PRKCE: variants seen among roughly 807,000 people sequenced by gnomAD.
The protein encoded by PRKCE is protein kinase C epsilon, also known as protein kinase C epsilon type.
A neutral mutation model predicts 85.4 loss-of-function variants in PRKCE; 16 were observed. That is an observed-to-expected ratio of 0.19 (90% CI 0.13 to 0.28). PRKCE has a LOEUF of 0.28. Among genes scored for constraint, PRKCE ranks in the 10% least tolerant of loss-of-function variants. The pLI is 1.00. For missense variants in PRKCE, 573 were observed against 975.2 expected, an observed-to-expected ratio of 0.59 and a Z score of 5.49; for synonymous variants, 388 against 371.5, an observed-to-expected ratio of 1.04 and a Z score of -0.51.
At chr2:46,147,143 G>C (rs779175773) in intron 12 of PRKCE, among the ~76,000 whole-genome samples, 12 of 152,186 alleles carry the variant, frequency 7.9e-5, no homozygotes, top group Non-Finnish European at 1.6e-4. Context: ...TCTTCTAAGA[G>C]ATCTAAAGAG....
Position 46,004,238 on chromosome 2 carries a change from G to T in PRKCE, c.967-304G>T. 3 of 368,180 alleles carry T rather than the reference G, an allele frequency of 8.1e-6. No individual in the cohort carries two copies. Among genetic ancestry groups the T allele is most frequent in the South Asian group, 6.9e-5 (3 of 43,426 alleles). 22.8% of individuals were successfully genotyped at this position (368,180 alleles called of 1,614,324 possible). A position where few individuals can be genotyped will look rare whatever the true frequency, so the allele number is the denominator to read the frequency against. On this transcript the variant is annotated intron_variant, in intron 7 of 14. Transcript: ENST00000306156. The surrounding 1 kb of genome is among the most constrained non-coding windows in gnomAD (Gnocchi z 4.1). ...GAACTACTTCATCCTTTTGGATGGG[G>T]TTGGATCAAACATTGTACCTCTGTC...
intron 10 of PRKCE, among the ~76,000 whole-genome samples, chr2:46,031,591 CGTGTGTGTGTGTGTGTGTGTGTGT>C (rs58684318): frequency 6.9e-6 from 1 of 144,028 alleles, no homozygotes; most frequent in Non-Finnish European, 1.5e-5. Context: ...ACATTCTGCT[CGTGTGTGTGTGTGTGTGTGTGTGT>C]GTGTGTGTGT....
chr2:46,006,471 G>C (rs953155333), intron 8 of PRKCE, among the ~76,000 whole-genome samples: 6 of 146,352 alleles, frequency 4.1e-5, no homozygotes, highest in African/African-American at 9.7e-5. Context: ...GATTCCTTGA[G>C]TAAGCCCTTA....
At position 46,145,250 on chromosome 2, in the gene PRKCE, G is replaced by T; in HGVS notation, c.1731+19G>T. 1.3e-6 allele frequency: 2 copies of T among 1,599,316 alleles called. No homozygotes were observed. The highest frequency in any genetic ancestry group is 1.7e-6 in the Non-Finnish European group (2 of 1,179,694). On this transcript the variant is annotated intron_variant, in intron 12 of 14. Transcript: ENST00000306156. The surrounding 1 kb of genome is among the most constrained non-coding windows in gnomAD (Gnocchi z 4.6). ...TCCTGAGGTAAGACCTGTGTGCAAA[G>T]GTTCACCTCCTCCTGGTGCCAGGAC...
chr2:45,940,763 G>T (rs1260347533), intron 2 of PRKCE, among the ~76,000 whole-genome samples: 2 of 152,082 alleles, frequency 1.3e-5, no homozygotes, highest in Non-Finnish European at 2.9e-5. Flanking sequence ...GAATTAAAAA[G>T]TTGATAGGCA....
chr2:46,103,386 A>C (rs1230787022), intron 11 of PRKCE, among the ~76,000 whole-genome samples: 1 of 152,220 alleles, frequency 6.6e-6, no homozygotes, highest in East Asian at 1.9e-4. Flanking sequence ...TAGAAACCAA[A>C]ATCTAGGTGC....
intron 1 of PRKCE, among the ~76,000 whole-genome samples, chr2:45,703,105 CCT>C (rs1678807408): frequency 1.5e-5 from 2 of 136,984 alleles, no homozygotes; most frequent in East Asian, 2.1e-4. Context: ...AACACATGGT[CCT>C]CAGCTTCTGT....
At chr2:45,687,486 G>A (rs625101) in intron 1 of PRKCE, among the ~76,000 whole-genome samples, 42,412 of 152,084 alleles carry the variant, frequency 0.28, 6,246 homozygotes, top group Middle Eastern at 0.36. Context: ...AATTGGAACA[G>A]CTTCTACAGT....
chr2:45,940,592 C>T (rs1310994542), intron 2 of PRKCE, among the ~76,000 whole-genome samples: 1 of 152,106 alleles, frequency 6.6e-6, no homozygotes, highest in Non-Finnish European at 1.5e-5. Context: ...GTATCCAGGG[C>T]CAGGTACATT....
At chr2:45,673,636 G>T (rs755220454) in intron 1 of PRKCE, among the ~76,000 whole-genome samples, 35 of 152,172 alleles carry the variant, frequency 2.3e-4, no homozygotes, top group Non-Finnish European at 4.1e-4. Flanking sequence ...TTATCATAAA[G>T]ACTAAAACTT....
chr2:46,105,583 G>A (rs1671643691), intron 11 of PRKCE, among the ~76,000 whole-genome samples: 1 of 151,420 alleles, frequency 6.6e-6, no homozygotes, highest in Non-Finnish European at 1.5e-5. Flanking sequence ...CATGACTTTT[G>A]GGAACACTTC....
At chr2:45,658,723 G>T (rs1675496308) in intron 1 of PRKCE, among the ~76,000 whole-genome samples, 1 of 152,192 alleles carries the variant, frequency 6.6e-6, no homozygotes, top group Non-Finnish European at 1.5e-5. Flanking sequence ...AGAGTCATTT[G>T]TGTGTTCATA....
intron 1 of PRKCE, among the ~76,000 whole-genome samples, chr2:45,798,213 G>C (rs1687589830): frequency 1.3e-5 from 2 of 152,130 alleles, no homozygotes; most frequent in Non-Finnish European, 2.9e-5. Context: ...ATTGTAAAAG[G>C]CAGATGGGAA....
intron 14 of PRKCE, among the ~76,000 whole-genome samples, chr2:46,175,463 G>A (rs758825223): frequency 1.3e-5 from 2 of 152,226 alleles, no homozygotes; most frequent in Non-Finnish European, 2.9e-5. Context: ...GTCACCTACT[G>A]TTCTCGCCAC....
At chr2:46,104,296 C>CTTTTTTTTTTTTTTTT (rs59018550) in intron 11 of PRKCE, among the ~76,000 whole-genome samples, 1 of 118,522 alleles carries the variant, frequency 8.4e-6, no homozygotes, top group African/African-American at 3.2e-5. Context: ...TCACCTTGTA[C>CTTTTTTTTTTTTTTTT]TTTTTTTTTT....
At chr2:46,101,570 A>G (rs1671224972) in intron 11 of PRKCE, among the ~76,000 whole-genome samples, 1 of 152,240 alleles carries the variant, frequency 6.6e-6, no homozygotes, top group Admixed American at 6.5e-5. Flanking sequence ...CCCTAGCCTC[A>G]GAGGCTGTCG....
intron 14 of PRKCE, among the ~76,000 whole-genome samples, chr2:46,168,587 C>A (rs1429117162): frequency 1.3e-5 from 2 of 152,184 alleles, no homozygotes; most frequent in East Asian, 3.8e-4. Context: ...TTGACAAAGG[C>A]AAGGAAAGAA....
chr2:45,954,920 C>A (rs1406234393), intron 2 of PRKCE, among the ~76,000 whole-genome samples: 19 of 152,126 alleles, frequency 1.2e-4, no homozygotes. Flanking sequence ...CTACTATTGT[C>A]AATACTTTAG....
intron 2 of PRKCE, among the ~76,000 whole-genome samples, chr2:45,925,266 TC>T (rs1698525726): frequency 6.6e-6 from 1 of 152,010 alleles, no homozygotes; most frequent in African/African-American, 2.4e-5. Context: ...ATAACTCATT[TC>T]CCCTTTTCTC....
Sources: allele counts gnomAD v4.1 joint callset (sites outside exome capture counted in the v4.1 genomes callset), GRCh38; gene constraint gnomAD v4.1.1; non-coding constraint Gnocchi (gnomAD v3.1); transcripts MANE v1.5; gene names NCBI Gene and HGNC (gene_info 2026-07-23, HGNC 2026-07-21).